MAPK4: variants seen among roughly 807,000 people sequenced by gnomAD.
MAPK4 encodes Erk3-related.
Under a neutral mutation model 47.7 loss-of-function variants are expected in MAPK4, and 22 were observed. The ratio of observed to expected loss-of-function variants is 0.46; its 90% CI spans 0.33 to 0.66. The LOEUF is 0.66. Ranked by LOEUF, MAPK4 falls within the 30% of genes least tolerant of loss-of-function variation. The pLI, the probability that MAPK4 is intolerant of heterozygous loss-of-function variation, is 0.02. For synonymous variants in MAPK4, 390 were observed against 365.7 expected, an observed-to-expected ratio of 1.07 and a Z score of -0.76; for missense variants, 736 against 831.7, an observed-to-expected ratio of 0.88 and a Z score of 1.42.
At position 50,729,103 on chromosome 18, in the gene MAPK4, C is replaced by A. The variant is rs965445983; in HGVS notation, c.1068-55C>A. ...CAGGGATTAGAGGGCTTGGCTCCCT[C>A]CCGGAAGCTACCTGGCTTGGGCATC... On this transcript the variant is annotated intron_variant, in intron 5 of 5. Coordinates refer to ENST00000400384, the MANE Select transcript of MAPK4 (RefSeq NM_002747.4). 6.9e-6 allele frequency: 10 copies of A among 1,458,554 alleles called. No homozygotes were observed. The Admixed American group carries it at 1.3e-4, about 18-fold the overall frequency. The allele number at this position is 1,458,554 out of a possible 1,614,324, so 90.4% of individuals were successfully genotyped here.
rs191234884 is a variant in MAPK4 at position 50,665,121 on chromosome 18, C to T, written c.546+617C>T. ...TGATGTGAAAGCCATGGGTGGCAGACGGTACTATTGCGATTCCCCGTGGTG... is the reference window on the plus strand; with the variant it reads ...TGATGTGAAAGCCATGGGTGGCAGATGGTACTATTGCGATTCCCCGTGGTG... On this transcript the variant is annotated intron_variant, in intron 2 of 5. Coordinates refer to ENST00000400384, the MANE Select transcript of MAPK4 (RefSeq NM_002747.4). Among the ~76,000 whole-genome samples, 8 of 152,326 alleles carry T rather than the reference C, an allele frequency of 5.3e-5. No individual in the cohort carries two copies. The South Asian group carries it at 6.2e-4, about 12-fold the overall frequency.
intron 2 of MAPK4, among the ~76,000 whole-genome samples, chr18:50,713,915 G>A (rs760280381): frequency 1.8e-4 from 27 of 152,112 alleles, no homozygotes; most frequent in African/African-American, 3.1e-4. Flanking sequence ...GGCTCTACTC[G>A]GAGGAAATAT....
intron 1 of MAPK4, among the ~76,000 whole-genome samples, chr18:50,598,886 G>T (rs566422678): frequency 6.6e-6 from 1 of 152,120 alleles, no homozygotes; most frequent in African/African-American, 2.4e-5. Flanking sequence ...TTTGGGGGAA[G>T]AAACAACACA....
At chr18:50,612,642 G>A (rs1329827615) in intron 1 of MAPK4, among the ~76,000 whole-genome samples, 1 of 152,314 alleles carries the variant, frequency 6.6e-6, no homozygotes, top group East Asian at 1.9e-4. Context: ...CAGCAGGGAT[G>A]CAAATTCTAA....
chr18:50,701,760 G>A (rs892616738), intron 2 of MAPK4, among the ~76,000 whole-genome samples: 4 of 151,980 alleles, frequency 2.6e-5, no homozygotes, highest in South Asian at 2.1e-4. Context: ...AATTAGAAAC[G>A]CCCCCCAAAT....
At chr18:50,633,807 AT>A (rs1189765924) in intron 1 of MAPK4, among the ~76,000 whole-genome samples, 1 of 151,994 alleles carries the variant, frequency 6.6e-6, no homozygotes, top group Admixed American at 6.6e-5. Flanking sequence ...TGTCGGTTTG[AT>A]TTTATCTGTG....
At position 50,729,423 on chromosome 18, in the gene MAPK4, GACA is replaced by G. The variant is rs989777609; in HGVS notation, c.1338_1340del (p.Asn446del). ...CTACCTGGACAAGCTGCTGTGGCGC[GACA>G]ACAAGCCGCACCACTACTCGGAGCC... On this transcript the variant is annotated inframe_deletion, in exon 6 of 6. Coordinates refer to ENST00000400384, the MANE Select transcript of MAPK4 (RefSeq NM_002747.4). The G allele has an allele frequency of 1.9e-6, 3 of 1,549,444 alleles. No homozygotes were observed. Among genetic ancestry groups the G allele is most frequent in the Middle Eastern group, 1.7e-4 (1 of 5,990 alleles).
At chr18:50,703,146 T>C (rs1345392582) in intron 2 of MAPK4, among the ~76,000 whole-genome samples, 1 of 152,130 alleles carries the variant, frequency 6.6e-6, no homozygotes, top group African/African-American at 2.4e-5. Context: ...CCTCTCAAAT[T>C]GATCTCAAGA....
intron 1 of MAPK4, among the ~76,000 whole-genome samples, chr18:50,651,217 C>T (rs2043045051): frequency 1.3e-5 from 2 of 152,306 alleles, no homozygotes; most frequent in Middle Eastern, 3.4e-3. Flanking sequence ...TTCCCCACTG[C>T]CCATCTCCCT....
chr18:50,595,273 A>G (rs2042471938), intron 1 of MAPK4, among the ~76,000 whole-genome samples: 1 of 152,252 alleles, frequency 6.6e-6, no homozygotes, highest in Admixed American at 6.5e-5. Context: ...ATTCATAATA[A>G]TCCCAAGTTG....
intron 2 of MAPK4, among the ~76,000 whole-genome samples, chr18:50,714,695 A>T (rs1910545339): frequency 1.3e-5 from 2 of 152,236 alleles, no homozygotes; most frequent in Admixed American, 1.3e-4. Flanking sequence ...CCAGAGTCTC[A>T]TGGTTACTCT....
intron 1 of MAPK4, among the ~76,000 whole-genome samples, chr18:50,646,308 G>A (rs956629464): frequency 6.6e-6 from 1 of 152,190 alleles, no homozygotes; most frequent in African/African-American, 2.4e-5. Context: ...TTCTCCCATC[G>A]TTTTCCAGCA....
chr18:50,646,868 C>G (rs1189944157), intron 1 of MAPK4, among the ~76,000 whole-genome samples: 1 of 152,214 alleles, frequency 6.6e-6, no homozygotes, highest in African/African-American at 2.4e-5. Flanking sequence ...CCTCTACTCA[C>G]TCTTCAATTT....
rs920644770 is a variant in MAPK4, at chr18:50,664,088, C to T, written c.130C>T (p.Arg44Trp). The T allele has an allele frequency of 8.1e-6, 13 of 1,613,838 alleles. No homozygotes were observed. The highest frequency in any genetic ancestry group is 2.7e-5 in the African/African-American group (2 of 74,902). Reference sequence around the variant, plus strand: ...GTCGGCCGTGGACAGCCGGGCCTGCCGGAAGGTCGCTGTGAAGAAGATTGC... The same window carrying T: ...GTCGGCCGTGGACAGCCGGGCCTGCTGGAAGGTCGCTGTGAAGAAGATTGC... ...VLSAVDSRAC[R>W]KVAVKKIALS... Residue 44 changes from arginine (R) to tryptophan (W), a missense_variant, in exon 2 of 6, where the codon CGG becomes TGG. Around this residue, in one of 3 missense-constraint regions of MAPK4, gnomAD observed 327 missense variants for 395.4 expected, o/e 0.83. Transcript: ENST00000400384. This position sits in a 1 kb window ranked among gnomAD's most constrained non-coding sequence, Gnocchi z 6.0.
At chr18:50,714,850 C>T (rs1163164675) in intron 2 of MAPK4, among the ~76,000 whole-genome samples, 5 of 152,102 alleles carry the variant, frequency 3.3e-5, no homozygotes, top group South Asian at 2.1e-4. Context: ...GGAGAACCCT[C>T]GGATCTCGTA....
intron 2 of MAPK4, chr18:50,669,327 A>T (rs1598890499): frequency 1.3e-5 from 2 of 152,244 alleles, no homozygotes; most frequent in East Asian, 3.9e-4. Context: ...TGTCATTAAG[A>T]CTTCACTGAG....
At chr18:50,590,548 T>A (rs9966877) in intron 1 of MAPK4, among the ~76,000 whole-genome samples, 6,172 of 152,284 alleles carry the variant, frequency 0.041, 448 homozygotes, top group African/African-American at 0.14. Context: ...TACAAGTTAA[T>A]GAGGAACCTT....
At chr18:50,709,716 G>A (rs1910248013) in intron 2 of MAPK4, among the ~76,000 whole-genome samples, 1 of 152,152 alleles carries the variant, frequency 6.6e-6, no homozygotes, top group Non-Finnish European at 1.5e-5. Flanking sequence ...GAGTGCAGGA[G>A]CCAGACACCC....
intron 2 of MAPK4, among the ~76,000 whole-genome samples, chr18:50,674,567 C>T (rs1248163051): frequency 3.3e-5 from 5 of 152,184 alleles, no homozygotes; most frequent in Non-Finnish European, 7.4e-5. Flanking sequence ...AAATACCATA[C>T]CCAGTGACAG....
Sources: gnomAD v4.1 joint callset for allele counts (sites outside exome capture counted in the v4.1 genomes callset) on GRCh38, gnomAD v4.1.1 for gene constraint, gnomAD v4.1.1 regional missense constraint, Gnocchi (gnomAD v3.1) non-coding constraint, MANE v1.5 for transcripts, NCBI Gene and HGNC (gene_info 2026-07-23, HGNC 2026-07-21) for gene names.